Variants in ATF7 observed in about 807,000 individuals in gnomAD.
ATF7 encodes cyclic AMP-dependent transcription factor ATF-7.
In ATF7, 10 loss-of-function variants were observed where a neutral mutation model predicts 50.4. The observed-to-expected ratio is 0.20, with a 90% CI of 0.12 to 0.34. The LOEUF (loss-of-function observed/expected upper bound fraction) is 0.34. Among genes scored for constraint, ATF7 ranks in the 10% least tolerant of loss-of-function variants. The pLI is 1.00. For synonymous variants in ATF7, 201 were observed against 226.4 expected, an observed-to-expected ratio of 0.89 and a Z score of 1.01; for missense variants, 465 against 613.9, an observed-to-expected ratio of 0.76 and a Z score of 2.56.
intron 3 of ATF7, among the ~76,000 whole-genome samples, chr12:53,548,160 C>A (rs1940074676): frequency 6.6e-6 from 1 of 151,664 alleles, no homozygotes; most frequent in Admixed American, 6.6e-5. Flanking sequence ...AGGCACTGTG[C>A]CCGGCCTGAG....
At chr12:53,568,489 C>T (rs1941575551) in intron 2 of ATF7, among the ~76,000 whole-genome samples, 1 of 152,110 alleles carries the variant, frequency 6.6e-6, no homozygotes, top group Non-Finnish European at 1.5e-5. Flanking sequence ...AACAAGCTAT[C>T]AAAGCTTACA....
At position 53,587,843 on chromosome 12, in the gene ATF7, A is replaced by ATAT; in HGVS notation, c.48+13109_48+13110insATA. Among the ~76,000 whole-genome samples, 196 of 61,552 alleles carry ATAT rather than the reference A, an allele frequency of 3.2e-3. 1 individual carries two copies. The highest frequency in any genetic ancestry group is 8.2e-3 in the South Asian group (11 of 1,348). 40.4% of individuals were successfully genotyped at this position (61,552 alleles called of 152,430 possible). On this transcript the variant is annotated intron_variant, in intron 2 of 11. Coordinates refer to ENST00000420353, the MANE Select transcript of ATF7 (RefSeq NM_006856.3). ...TACATATATATATATATATATATATATTTTTTTTTTTTTTTCTTTTTGACA... is the reference window on the plus strand; with the variant it reads ...TACATATATATATATATATATATATATATTTTTTTTTTTTTTTTCTTTTTGACA...
intron 1 of ATF7, among the ~76,000 whole-genome samples, chr12:53,610,054 T>G (rs1173914575): frequency 6.6e-6 from 1 of 151,844 alleles, no homozygotes; most frequent in African/African-American, 2.4e-5. Flanking sequence ...TGACCTCAAG[T>G]GATCCGCCCG....
At chr12:53,620,380 T>C (rs1425566134) in intron 1 of ATF7, among the ~76,000 whole-genome samples, 4 of 151,068 alleles carry the variant, frequency 2.6e-5, no homozygotes, top group African/African-American at 9.7e-5. Context: ...ATCGAGACCA[T>C]CCTGGCTAAA....
Position 53,577,728 on chromosome 12 carries a change from AAAAGAAAG to A in ATF7, c.48+23217_48+23224del, listed in dbSNP as rs533228352. Among the ~76,000 whole-genome samples, 139 of 147,138 alleles carry A rather than the reference AAAAGAAAG, an allele frequency of 9.4e-4. 1 individual carries two copies. Among genetic ancestry groups the A allele is most frequent in the East Asian group, 2.8e-3 (14 of 4,930 alleles). Reference sequence around the variant, plus strand: ...GAGACTCCGTCTCTGAAAAAAAAAAAAAAGAAAGAAAGAAAGAAAGAAAGAAACACACA... The same window carrying A: ...GAGACTCCGTCTCTGAAAAAAAAAAAAAAGAAAGAAAGAAAGAAACACACA... On this transcript the variant is annotated intron_variant, in intron 2 of 11. Transcript: ENST00000420353.
At chr12:53,577,096 A>C (rs1942115009) in intron 2 of ATF7, among the ~76,000 whole-genome samples, 1 of 152,072 alleles carries the variant, frequency 6.6e-6, no homozygotes, top group South Asian at 2.1e-4. Context: ...TGATGGGCTC[A>C]GTAGTAGACT....
At chr12:53,578,513 G>A (rs1392753513) in intron 2 of ATF7, among the ~76,000 whole-genome samples, 3 of 152,106 alleles carry the variant, frequency 2.0e-5, no homozygotes, top group African/African-American at 7.2e-5. Context: ...TAGGCACGGT[G>A]GCTCATGCCT....
chr12:53,607,007 G>A (rs1276532382), intron 1 of ATF7, among the ~76,000 whole-genome samples: 19 of 152,016 alleles, frequency 1.2e-4, no homozygotes, highest in Admixed American at 1.2e-3. Flanking sequence ...ATTGTGAATA[G>A]TGCCGCTATA....
chr12:53,527,674 C>T (rs937143100), intron 9 of ATF7, among the ~76,000 whole-genome samples: 5 of 151,628 alleles, frequency 3.3e-5, no homozygotes, highest in African/African-American at 1.2e-4. Context: ...ATCCTGGCTA[C>T]TTGGGAGGTG....
At chr12:53,519,175 G>A (rs1001970433) in intron 11 of ATF7, among the ~76,000 whole-genome samples, 1 of 151,884 alleles carries the variant, frequency 6.6e-6, no homozygotes, top group Admixed American at 6.6e-5. Context: ...ACATTTTACT[G>A]AGCATCATCC....
chr12:53,580,135 T>G (rs891747662), intron 2 of ATF7, among the ~76,000 whole-genome samples: 5 of 151,732 alleles, frequency 3.3e-5, no homozygotes, highest in Non-Finnish European at 7.4e-5. Context: ...TTCACCATGT[T>G]GGCCAAGCTG....
At chr12:53,591,908 C>T (rs186541534) in intron 2 of ATF7, among the ~76,000 whole-genome samples, 1 of 152,212 alleles carries the variant, frequency 6.6e-6, no homozygotes, top group African/African-American at 2.4e-5. Context: ...TTTCCCCGCA[C>T]AGCCACTCAA....
At chr12:53,608,427 G>A (rs889951655) in intron 1 of ATF7, among the ~76,000 whole-genome samples, 11 of 151,998 alleles carry the variant, frequency 7.2e-5, no homozygotes, top group African/African-American at 1.4e-4. Context: ...AAACAAACAC[G>A]GTGGAAACTC....
At chr12:53,601,124 G>T in intron 1 of ATF7, 103 bp from the exon 2 acceptor site, 1 of 806,924 alleles carries the variant, frequency 1.2e-6, no homozygotes. Context: ...GGTGTTCCAC[G>T]AATGCCATCT....
intron 5 of ATF7, among the ~76,000 whole-genome samples, chr12:53,536,585 G>T (rs1223530750): frequency 6.6e-6 from 1 of 150,532 alleles, no homozygotes; most frequent in Non-Finnish European, 1.5e-5. Context: ...CTGATTTTTG[G>T]CTATTAAGAA....
chr12:53,508,600 T>A (rs986896969), downstream of ATF7, among the ~76,000 whole-genome samples: 2 of 151,904 alleles, frequency 1.3e-5, no homozygotes, highest in African/African-American at 4.8e-5. Flanking sequence ...GGCTACAGGA[T>A]TTTGGAGCCC....
chr12:53,592,142 T>C (rs1408789094), intron 2 of ATF7, among the ~76,000 whole-genome samples: 1 of 152,258 alleles, frequency 6.6e-6, no homozygotes, highest in East Asian at 1.9e-4. Context: ...ACAGGGCACA[T>C]GGTGTGCCAG....
chr12:53,579,793 T>C (rs1245372578), intron 2 of ATF7, among the ~76,000 whole-genome samples: 1 of 152,108 alleles, frequency 6.6e-6, no homozygotes, highest in Non-Finnish European at 1.5e-5. Context: ...CCTGCCAGCA[T>C]GTATGTTTTG....
At chr12:53,609,157 CTTT>C (rs535786548) in intron 1 of ATF7, among the ~76,000 whole-genome samples, 4 of 141,332 alleles carry the variant, frequency 2.8e-5, no homozygotes, top group African/African-American at 5.2e-5. Context: ...CTCTTTTTTC[CTTT>C]TTTTTTTTTT....
Sources: allele counts gnomAD v4.1 joint callset (sites outside exome capture counted in the v4.1 genomes callset), GRCh38; gene constraint gnomAD v4.1.1; transcripts MANE v1.5; gene names NCBI Gene and HGNC (gene_info 2026-07-23, HGNC 2026-07-21).